The following COG3 variants were observed in gnomAD, a reference collection of about 807,000 sequenced individuals.
COG3 encodes the protein conserved oligomeric Golgi complex subunit 3.
Under a neutral mutation model 114.1 loss-of-function variants are expected in COG3, and 32 were observed. The ratio of observed to expected loss-of-function variants is 0.28; its 90% CI spans 0.21 to 0.38. The LOEUF (loss-of-function observed/expected upper bound fraction) is 0.38, where lower values mean the gene tolerates loss of function less well. Ranked by LOEUF, COG3 falls within the 10% of genes least tolerant of loss-of-function variation. The pLI is 1.00. For synonymous variants in COG3, 352 were observed against 365.7 expected, an observed-to-expected ratio of 0.96 and a Z score of 0.43; for missense variants, 813 against 973.2, an observed-to-expected ratio of 0.84 and a Z score of 2.19.
intron 19 of COG3, among the ~76,000 whole-genome samples, chr13:45,520,364 G>A (rs930574948): frequency 5.3e-5 from 8 of 151,746 alleles, no homozygotes; most frequent in East Asian, 1.9e-4. Context: ...TTATTAAGCC[G>A]CTACTGTTTA....
At position 45,511,950 on chromosome 13, in the gene COG3, A is replaced by G. The variant is rs1870911617; in HGVS notation, c.1809+96A>G. ...CACAGAAGTTTAAAGCTGTTTTGGCAGTAGGATTTGTTTAACATGATTGAA... is the reference window on the plus strand; with the variant it reads ...CACAGAAGTTTAAAGCTGTTTTGGCGGTAGGATTTGTTTAACATGATTGAA... On this transcript the variant is annotated intron_variant, in intron 16 of 22. Transcript: ENST00000349995. 4.3e-6 allele frequency: 4 copies of G among 924,932 alleles called. No homozygotes were observed. The Admixed American group carries it at 7.7e-5, about 18-fold the overall frequency. The allele number at this position is 924,932 out of a possible 1,614,324, so 57.3% of individuals were successfully genotyped here. A position where few individuals can be genotyped will look rare whatever the true frequency, so the allele number is the denominator to read the frequency against.
intron 12 of COG3, among the ~76,000 whole-genome samples, chr13:45,494,230 C>T (rs1343988068): frequency 6.6e-6 from 1 of 150,542 alleles, no homozygotes; most frequent in African/African-American, 2.4e-5. Context: ...GAGGCTTAGG[C>T]AGGAGAATTG....
intron 1 of COG3, among the ~76,000 whole-genome samples, chr13:45,473,026 C>A (rs35758841): frequency 6.6e-6 from 1 of 152,034 alleles, no homozygotes; most frequent in Non-Finnish European, 1.5e-5. Flanking sequence ...CCCGCCACCA[C>A]GCCTGGCTAA....
intron 2 of COG3, among the ~76,000 whole-genome samples, chr13:45,477,998 C>T (rs896570131): frequency 2.6e-5 from 4 of 152,056 alleles, no homozygotes; most frequent in African/African-American, 7.2e-5. Flanking sequence ...TATTAGATAA[C>T]GTTAATATTG....
At chr13:45,483,403 T>G in intron 7 of COG3, 48 bp downstream of exon 7, 2 of 1,451,162 alleles carry the variant, frequency 1.4e-6, no homozygotes, top group Non-Finnish European at 1.8e-6. Flanking sequence ...GTTGTTGTTT[T>G]GATTCATTCA....
At chr13:45,517,314 A>G (rs939398002) in intron 17 of COG3, among the ~76,000 whole-genome samples, 1 of 152,152 alleles carries the variant, frequency 6.6e-6, no homozygotes, top group Non-Finnish European at 1.5e-5. Flanking sequence ...TTAGTTCCCC[A>G]ATTCCTGTGC....
intron 1 of COG3, among the ~76,000 whole-genome samples, chr13:45,471,170 G>A (rs569148948): frequency 6.6e-6 from 1 of 152,132 alleles, no homozygotes; most frequent in Non-Finnish European, 1.5e-5. Context: ...TTGGGAGACT[G>A]AGACAGGAGG....
chr13:45,526,027 T>C (rs2137921242), intron 20 of COG3, among the ~76,000 whole-genome samples: 1 of 151,848 alleles, frequency 6.6e-6, no homozygotes, highest in Non-Finnish European at 1.5e-5. Flanking sequence ...TAGGTATTCA[T>C]TTTCTTTGGG....
chr13:45,481,342 T>A lies in COG3; in HGVS notation c.624+38T>A, dbSNP rs111892395. On this transcript the variant is annotated intron_variant, in intron 5 of 22. Coordinates refer to ENST00000349995, the MANE Select transcript of COG3 (RefSeq NM_031431.4). ...CTTTACTTCTTATAAAGTTAGTGAT[T>A]TTTGTTTTATTTTTGCCTTTCTTCG... 900 of 1,141,196 alleles carry A rather than the reference T, an allele frequency of 7.9e-4. 4 individuals carry two copies. The African/African-American group carries it at 0.013, about 16-fold the overall frequency. The allele number at this position is 1,141,196 out of a possible 1,614,324, so 70.7% of individuals were successfully genotyped here.
intron 15 of COG3, 108 bp downstream of exon 15, chr13:45,509,924 AT>A: frequency 3.5e-6 from 4 of 1,144,168 alleles, no homozygotes; most frequent in East Asian, 2.5e-5. Flanking sequence ...TAAAATCATG[AT>A]TTTTAGATAT....
chr13:45,524,105 C>T (rs990913647), intron 19 of COG3, among the ~76,000 whole-genome samples: 1 of 152,138 alleles, frequency 6.6e-6, no homozygotes, highest in African/African-American at 2.4e-5. Context: ...ACATTATACC[C>T]TGTGTCTGCC....
intron 1 of COG3, 174 bp downstream of exon 1, chr13:45,465,384 C>T (rs757370653): frequency 7.2e-6 from 8 of 1,112,898 alleles, no homozygotes; most frequent in Non-Finnish European, 9.8e-6. Flanking sequence ...AGGCTTCGCT[C>T]TGCCTGCGAC....
chr13:45,503,439 A>G (rs893266115), intron 14 of COG3, 90 bp downstream of exon 14: 3 of 716,078 alleles, frequency 4.2e-6, no homozygotes, highest in African/African-American at 3.6e-5. Flanking sequence ...CATGAAAAAC[A>G]ACTTGTGCCT....
Position 45,482,480 on chromosome 13 carries a change from CAG to C in COG3, c.717+10_717+11del, listed in dbSNP as rs1566245536. 5.2e-6 allele frequency: 7 copies of C among 1,342,060 alleles called. No homozygotes were observed. Among genetic ancestry groups the C allele is most frequent in the South Asian group, 1.3e-5 (1 of 78,538 alleles). The allele number at this position is 1,342,060 out of a possible 1,614,324, so 83.1% of individuals were successfully genotyped here. ...AACATATATCTCATCTCATGTAAGTCAGAGTATTTTTGCATGTTTTAAAGAAA... is the reference window on the plus strand; with the variant it reads ...AACATATATCTCATCTCATGTAAGTCAGTATTTTTGCATGTTTTAAAGAAA... On this transcript the variant is annotated splice_region_variant and intron_variant, in intron 6 of 22. Transcript: ENST00000349995.
chr13:45,478,327 G>A (rs1054817366), intron 2 of COG3, among the ~76,000 whole-genome samples: 23 of 151,668 alleles, frequency 1.5e-4, no homozygotes, highest in Admixed American at 8.5e-4. Context: ...GAGTAACTGG[G>A]ACTACAGGCG....
chr13:45,532,790 C>T (rs968319578), intron 22 of COG3, among the ~76,000 whole-genome samples: 4 of 151,852 alleles, frequency 2.6e-5, no homozygotes, highest in South Asian at 2.1e-4. Context: ...ATCTGCTGAC[C>T]GCGTGATCCA....
chr13:45,477,405 A>G (rs1426842931), intron 2 of COG3, among the ~76,000 whole-genome samples: 2 of 152,226 alleles, frequency 1.3e-5, no homozygotes, highest in Non-Finnish European at 1.5e-5. Flanking sequence ...TTTATGTACA[A>G]TAAAATGTAT....
chr13:45,509,277 A>G (rs1357080661), intron 14 of COG3, among the ~76,000 whole-genome samples: 1 of 152,188 alleles, frequency 6.6e-6, no homozygotes, highest in Non-Finnish European at 1.5e-5. Context: ...TGACCTCATG[A>G]TCCGCCTGCC....
chr13:45,478,560 C>G, intron 2 of COG3, among the ~76,000 whole-genome samples: 1 of 151,734 alleles, frequency 6.6e-6, no homozygotes, highest in East Asian at 1.9e-4. Context: ...GTGATCTTGG[C>G]TCACTGCAAC....
Sources: allele counts gnomAD v4.1 joint callset (sites outside exome capture counted in the v4.1 genomes callset), GRCh38; gene constraint gnomAD v4.1.1; transcripts MANE v1.5; gene names NCBI Gene and HGNC (gene_info 2026-07-23, HGNC 2026-07-21).